Variants in RIDA observed in about 807,000 individuals in gnomAD.
The protein encoded by RIDA is 2-iminobutanoate/2-iminopropanoate deaminase.
Under a neutral mutation model 17.8 loss-of-function variants are expected in RIDA, and 17 were observed. The ratio of observed to expected loss-of-function variants is 0.96; its 90% CI spans 0.65 to 1.43. RIDA has a LOEUF of 1.43. Ranked by LOEUF, RIDA falls within the 40% of genes most tolerant of loss-of-function variation. The pLI is 0.00. For missense variants in RIDA, 158 were observed against 161.7 expected (o/e 0.98, Z 0.12); for synonymous variants, 48 against 55.7 (o/e 0.86, Z 0.62).
chr8:98,105,866 G>T, intron 4 of RIDA, 72 bp downstream of exon 4: 1 of 869,494 alleles, frequency 1.2e-6, no homozygotes, highest in Non-Finnish European at 1.9e-6. Context: ...AATTCATAAT[G>T]CACATTCATT....
At chr8:98,104,908 A>C (rs979439001) in intron 4 of RIDA, among the ~76,000 whole-genome samples, 1 of 151,868 alleles carries the variant, frequency 6.6e-6, no homozygotes, top group South Asian at 2.1e-4. Context: ...TCGGGGCTTC[A>C]CCATGTTGGC....
intron 1 of RIDA, among the ~76,000 whole-genome samples, chr8:98,111,386 C>T (rs7828927): frequency 0.83 from 126,146 of 152,098 alleles, 52,402 homozygotes; most frequent in South Asian, 0.92. Context: ...GGCGGGCAGA[C>T]CACTTGAGGC....
intron 1 of RIDA, among the ~76,000 whole-genome samples, chr8:98,115,534 C>T (rs1815798667): frequency 6.7e-6 from 1 of 149,488 alleles, no homozygotes; most frequent in African/African-American, 2.5e-5. Context: ...TAAAACATCA[C>T]TTGAAAGTTT....
intron 1 of RIDA, among the ~76,000 whole-genome samples, chr8:98,112,363 C>A (rs776590257): frequency 3.3e-5 from 5 of 152,166 alleles, no homozygotes; most frequent in Non-Finnish European, 5.9e-5. Flanking sequence ...ATCTTAGACT[C>A]TAAACTCCTT....
chr8:98,114,696 A>G (rs1815777543), intron 1 of RIDA, among the ~76,000 whole-genome samples: 1 of 152,146 alleles, frequency 6.6e-6, no homozygotes, highest in African/African-American at 2.4e-5. Context: ...AAATGGTATT[A>G]TTTATGCCCA....
chr8:98,113,837 A>G lies in RIDA; in HGVS notation c.65+3195T>C, dbSNP rs1053166581. The G allele has an allele frequency of 3.3e-5, 5 of 152,234 alleles. No homozygotes were observed. In the East Asian group the frequency reaches 9.6e-4, roughly 29 times the overall value. The allele number at this position is 152,234 out of a possible 1,614,324, so 9.4% of individuals were successfully genotyped here. A position where few individuals can be genotyped will look rare whatever the true frequency, so the allele number is the denominator to read the frequency against. ...TCTAAATGCTACCACTGTGTGATTG[A>G]GAGAAAGACATTAGGGCAGAAGGAG... On this transcript the variant is annotated intron_variant, in intron 1 of 5. Coordinates refer to ENST00000254878, the MANE Select transcript of RIDA (RefSeq NM_005836.3).
intron 1 of RIDA, 78 bp downstream of exon 1, chr8:98,116,954 C>T (rs1815846521): frequency 1.7e-6 from 2 of 1,170,012 alleles, no homozygotes; most frequent in Non-Finnish European, 2.5e-6. Context: ...GCTGGGGCTC[C>T]GGCCCGGAGT....
In RIDA at chr8:98,106,367, G is replaced by A. The variant is rs1815632631; in HGVS notation, c.172-41C>T. 2.0e-6 allele frequency: 3 copies of A among 1,512,128 alleles called. No individual in the cohort carries two copies. The East Asian group carries it at 6.8e-5, about 34-fold the overall frequency. 93.7% of individuals were successfully genotyped at this position (1,512,128 alleles called of 1,614,324 possible). On this transcript the variant is annotated intron_variant, in intron 2 of 5. Transcript: ENST00000254878. Reference sequence around the variant, plus strand: ...AGAAAGGCCTAAGTCACTGATGTTAGATTTAAAGCTTTAATTAAATTCAAT... The same window carrying A: ...AGAAAGGCCTAAGTCACTGATGTTAAATTTAAAGCTTTAATTAAATTCAAT...
chr8:98,106,387 T>C (rs982185374), intron 2 of RIDA, 61 bp from the exon 3 acceptor site: 2 of 1,409,018 alleles, frequency 1.4e-6, no homozygotes, highest in African/African-American at 1.4e-5. Context: ...TTTAATTAAA[T>C]TCAATTAATC....
chr8:98,108,840 T>C, intron 1 of RIDA, 89 bp from the exon 2 acceptor site: 1 of 672,994 alleles, frequency 1.5e-6, no homozygotes, highest in African/African-American at 2.5e-5. Context: ...CAGAGAAGTA[T>C]AAATTGTAAA....
intron 5 of RIDA, among the ~76,000 whole-genome samples, chr8:98,103,890 G>A (rs2045802): frequency 0.096 from 14,638 of 151,848 alleles, 924 homozygotes; most frequent in East Asian, 0.25. Flanking sequence ...CGCCCGCCTC[G>A]GCCTCCGAAA....
At chr8:98,116,428 T>A (rs1013100586) in intron 1 of RIDA, among the ~76,000 whole-genome samples, 4 of 152,140 alleles carry the variant, frequency 2.6e-5, no homozygotes, top group African/African-American at 9.7e-5. Flanking sequence ...AGACCAAGTA[T>A]GAAGCTAATG....
At chr8:98,103,607 C>A (rs1034148088) in intron 5 of RIDA, among the ~76,000 whole-genome samples, 1 of 151,946 alleles carries the variant, frequency 6.6e-6, no homozygotes, top group East Asian at 1.9e-4. Flanking sequence ...AGTAACACTA[C>A]AACAGTACAG....
rs540341734 is a variant in RIDA, at chr8:98,108,539, T to C, written c.171+107A>G. ...CAAGCAGTAAGTAGTTTAAAAAACATTTATCTGTTAATCTCTATAAAACAA... is the reference window on the plus strand; with the variant it reads ...CAAGCAGTAAGTAGTTTAAAAAACACTTATCTGTTAATCTCTATAAAACAA... On this transcript the variant is annotated intron_variant, in intron 2 of 5. Coordinates refer to ENST00000254878, the MANE Select transcript of RIDA (RefSeq NM_005836.3). 8.2e-6 allele frequency: 6 copies of C among 734,952 alleles called. No homozygotes were observed. The South Asian group carries it at 9.3e-5, about 11-fold the overall frequency. 45.5% of individuals were successfully genotyped at this position (734,952 alleles called of 1,614,324 possible). A position where few individuals can be genotyped will look rare whatever the true frequency, so the allele number is the denominator to read the frequency against.
rs2447497 is a variant in RIDA at position 98,102,916 on chromosome 8, A to G, written c.352-12T>C. On this transcript the variant is annotated splice_polypyrimidine_tract_variant and intron_variant, in intron 5 of 5. Transcript: ENST00000254878. ...TCAATTCGGCTGCCCTGTGAGGAAA[A>G]TGAAAGAATTTGTTGTAATCATTTT... The G allele has an allele frequency of 0.11, 178,601 of 1,605,576 alleles. 11,493 individuals carry two copies. The highest frequency in any genetic ancestry group is 0.25 in the East Asian group (10,994 of 44,778).
intron 2 of RIDA, among the ~76,000 whole-genome samples, chr8:98,107,136 T>C (rs1009897181): frequency 1.3e-5 from 2 of 152,238 alleles, no homozygotes; most frequent in African/African-American, 4.8e-5. Flanking sequence ...ATGGAACAAT[T>C]TACCTCGGAG....
Position 98,104,479 on chromosome 8 carries a change from G to A in RIDA, c.351+10C>T, listed in dbSNP as rs754345999. The A allele has an allele frequency of 8.0e-6, 12 of 1,503,550 alleles. No individual in the cohort carries two copies. Among genetic ancestry groups the A allele is most frequent in the Admixed American group, 1.7e-5 (1 of 59,380 alleles). 93.1% of individuals were successfully genotyped at this position (1,503,550 alleles called of 1,614,324 possible). A position where few individuals can be genotyped will look rare whatever the true frequency, so the allele number is the denominator to read the frequency against. ...AAACTGTGTACATTAGTCATTTAAA[G>A]TGTACTTACTTTGGGTAAAGCAGCA... On this transcript the variant is annotated intron_variant, in intron 5 of 5. Transcript: ENST00000254878.
At chr8:98,107,574 G>A (rs1815648830) in intron 2 of RIDA, among the ~76,000 whole-genome samples, 1 of 152,102 alleles carries the variant, frequency 6.6e-6, no homozygotes, top group Admixed American at 6.6e-5. Context: ...CTCAGTAAAT[G>A]CAGTAAATTA....
At chr8:98,108,869 T>A in intron 1 of RIDA, 118 bp from the exon 2 acceptor site, 1 of 614,288 alleles carries the variant, frequency 1.6e-6, no homozygotes, top group Non-Finnish European at 2.9e-6. Flanking sequence ...AACAGATACA[T>A]TGGACTTCAT....
Sources: gnomAD v4.1 joint callset for allele counts (sites outside exome capture counted in the v4.1 genomes callset) on GRCh38, gnomAD v4.1.1 for gene constraint, MANE v1.5 for transcripts, NCBI Gene and HGNC (gene_info 2026-07-23, HGNC 2026-07-21) for gene names.